Variants in CBY2 observed in about 807,000 individuals in gnomAD.
The protein encoded by CBY2 is protein chibby homolog 2.
A neutral mutation model predicts 25.3 loss-of-function variants in CBY2; 23 were observed. The observed-to-expected ratio is 0.91, with a 90% CI of 0.65 to 1.29. The LOEUF is 1.29. Ranked by LOEUF, CBY2 falls within the 50% of genes most tolerant of loss-of-function variation. The probability of loss-of-function intolerance (pLI) is 0.00; values close to 1 mark genes in which losing one functional copy is unlikely to be tolerated. For missense variants in CBY2, 642 were observed against 590.7 expected, an observed-to-expected ratio of 1.09 and a Z score of -0.90; for synonymous variants, 279 against 260.2, an observed-to-expected ratio of 1.07 and a Z score of -0.70.
At position 45,714,050 on chromosome 13, in the gene CBY2, A is replaced by C. The variant is rs763369290; in HGVS notation, c.1025A>C (p.Glu342Ala). Reference protein sequence around the residue: ...SNMSGPSGEEEAKVGPGLPDG... With the variant: ...SNMSGPSGEEAAKVGPGLPDG... ...ATGTCCGGGCCCTCCGGGGAGGAGG[A>C]GGCCAAGGTGGGCCCGGGCCTGCCC... Residue 342 changes from glutamate (E) to alanine (A), a missense_variant, in exon 3 of 3, where the codon GAG (glutamate) becomes GCG (alanine). Coordinates refer to ENST00000310521, the MANE Select transcript of CBY2 (RefSeq NM_152719.3). 1 of 1,501,120 alleles carries C rather than the reference A, an allele frequency of 6.7e-7. No individual in the cohort carries two copies. The highest frequency in any genetic ancestry group is 2.4e-5 in the East Asian group (1 of 41,608). The allele number at this position is 1,501,120 out of a possible 1,614,324, so 93.0% of individuals were successfully genotyped here.
At chr13:45,712,034 T>G (rs1041856196) in intron 2 of CBY2, among the ~76,000 whole-genome samples, 1 of 152,202 alleles carries the variant, frequency 6.6e-6, no homozygotes, top group Non-Finnish European at 1.5e-5. Flanking sequence ...TATGCCCAGA[T>G]GGGCAAGAGA....
At chr13:45,710,261 A>T (rs1273173903) in intron 2 of CBY2, among the ~76,000 whole-genome samples, 1 of 152,214 alleles carries the variant, frequency 6.6e-6, no homozygotes, top group Non-Finnish European at 1.5e-5. Context: ...ACGGTGGCTC[A>T]TGCCTATAAT....
chr13:45,703,646 T>G (rs1950224035), intron 2 of CBY2: 1 of 1,422,994 alleles, frequency 7.0e-7, no homozygotes, highest in Non-Finnish European at 9.7e-7. Flanking sequence ...TGACCACTGG[T>G]GGGCATTCCA....
intron 2 of CBY2, among the ~76,000 whole-genome samples, chr13:45,710,405 C>G (rs112714162): frequency 0.021 from 3,246 of 152,272 alleles, 72 homozygotes; most frequent in Middle Eastern, 0.078. Flanking sequence ...CGCCTGTAGT[C>G]CCAGCTACTC....
In CBY2 at chr13:45,702,381, T is replaced by G. The variant is rs1214751547; in HGVS notation, c.-10T>G. On this transcript the variant is annotated 5_prime_UTR_variant, in exon 1 of 3. Coordinates refer to ENST00000310521, the MANE Select transcript of CBY2 (RefSeq NM_152719.3). ...ACCATGAGCCCTGAAAAACACCATA[T>G]TGTTTTGTGATGTCACCTCTGGAAT... 2 of 1,613,038 alleles carry G rather than the reference T, an allele frequency of 1.2e-6. No homozygotes were observed. The highest frequency in any genetic ancestry group is 2.7e-5 in the African/African-American group (2 of 74,916).
rs1439457601 is a variant in CBY2, at chr13:45,702,484, G to A, written c.75+19G>A. On this transcript the variant is annotated intron_variant, in intron 1 of 2. Coordinates refer to ENST00000310521, the MANE Select transcript of CBY2 (RefSeq NM_152719.3). ...CACATTGGTATGGCTTTTTACTTGA[G>A]ATAGAAATAATCATCTTAGACAGGG... 1 of 1,605,124 alleles carries A rather than the reference G, an allele frequency of 6.2e-7. No individual in the cohort carries two copies. The highest frequency in any genetic ancestry group is 8.5e-7 in the Non-Finnish European group (1 of 1,171,746).
chr13:45,713,508 GC>G lies in CBY2; in HGVS notation c.484del (p.Leu162TrpfsTer68), dbSNP rs1199672379. 3.1e-6 allele frequency: 5 copies of G among 1,614,178 alleles called. No individual in the cohort carries two copies. In the South Asian group the frequency reaches 5.5e-5, roughly 18 times the overall value. On this transcript the variant is annotated frameshift_variant, in exon 3 of 3. Transcript: ENST00000310521. LOFTEE classifies it high-confidence loss of function. This position sits in a 1 kb window ranked among gnomAD's most constrained non-coding sequence, Gnocchi z 5.0. ...SFHHKLHHKR[L>X]AKECMLQEEN... is the part of the protein sequence containing the mutation. ...TCCACCACAAGCTGCACCACAAGAG[GC>G]TGGCCAAGGAGTGCATGCTGCAGGA...
At chr13:45,703,806 G>C (rs976261432) in intron 2 of CBY2, among the ~76,000 whole-genome samples, 1 of 152,130 alleles carries the variant, frequency 6.6e-6, no homozygotes, top group Admixed American at 6.5e-5. Flanking sequence ...ATGAATCTTA[G>C]CCAGAATATA....
Position 45,704,484 on chromosome 13 carries a change from G to T in CBY2, c.156+1629G>T, listed in dbSNP as rs1950229100. On this transcript the variant is annotated intron_variant, in intron 2 of 2. Coordinates refer to ENST00000310521, the MANE Select transcript of CBY2 (RefSeq NM_152719.3). This position sits in a 1 kb window ranked among gnomAD's most constrained non-coding sequence, Gnocchi z 4.1. Reference sequence around the variant, plus strand: ...TTTGGACACCTGTCAGGATGCTCAAGACTGGCACTCTGGGGGATGGGTGTG... The same window carrying T: ...TTTGGACACCTGTCAGGATGCTCAATACTGGCACTCTGGGGGATGGGTGTG... 6.6e-6 allele frequency among the ~76,000 whole-genome samples: 1 copy of T among 152,196 alleles called. No homozygotes were observed. Among genetic ancestry groups the T allele is most frequent in the Non-Finnish European group, 1.5e-5 (1 of 68,048 alleles).
intron 2 of CBY2, chr13:45,703,624 T>G: frequency 1.3e-6 from 2 of 1,532,032 alleles, no homozygotes; most frequent in Non-Finnish European, 1.8e-6. Flanking sequence ...CAGGGATGTG[T>G]AGGAGGAGGA....
rs763644918 is a variant in CBY2, at chr13:45,713,820, GGCCTACTGGGC to G, written c.798_808del (p.Tyr267GlyfsTer145). On this transcript the variant is annotated frameshift_variant, in exon 3 of 3. Transcript: ENST00000310521. LOFTEE classifies it high-confidence loss of function. The surrounding 1 kb of genome is among the most constrained non-coding windows in gnomAD (Gnocchi z 5.0). ...TGCAGCAGCTGCTGGAGCAGAAACA[GGCCTACTGGGC>G]GCAGGCAGAGGACACGGCCGCCCCT... is the stretch of plus-strand genomic sequence containing the variant. 36 of 1,544,136 alleles carry G rather than the reference GGCCTACTGGGC, an allele frequency of 2.3e-5. No homozygotes were observed. The highest frequency in any genetic ancestry group is 5.8e-5 in the Admixed American group (3 of 51,410).
At position 45,713,584 on chromosome 13, in the gene CBY2, C is replaced by G; in HGVS notation, c.559C>G (p.Arg187Gly). The part of the protein sequence containing the change: ...EENKALREEN[R>G]MLSKENKILQ... ...GAACAAGGCCCTGCGCGAGGAGAACCGGATGCTCAGCAAGGAGAACAAGAT... is the reference window on the plus strand; with the variant it reads ...GAACAAGGCCCTGCGCGAGGAGAACGGGATGCTCAGCAAGGAGAACAAGAT... The change falls in exon 3 of 3, where the codon CGG (arginine) becomes GGG (glycine). Residue 187 changes from arginine to glycine, a missense_variant. Physicochemically the swap from Arg to Gly is moderately radical, Grantham distance 125. Coordinates refer to ENST00000310521, the MANE Select transcript of CBY2 (RefSeq NM_152719.3). The surrounding 1 kb of genome is among the most constrained non-coding windows in gnomAD (Gnocchi z 5.0). 1.9e-6 allele frequency: 3 copies of G among 1,613,682 alleles called. No homozygotes were observed. The highest frequency in any genetic ancestry group is 2.5e-6 in the Non-Finnish European group (3 of 1,179,866).
rs1440036838 is a variant in CBY2, at chr13:45,714,150, C to T, written c.1125C>T (p.Leu375=). ...AGGCCCTGCTCAAGGAGAACCGGCT[C>T]CTGCAGGAGGAGAACAGGACCCTGC... ...ALQALLKENR[L]LQEENRTLQV... Residue 375 remains leucine, a synonymous_variant, in exon 3 of 3, where the codon CTC becomes CTT. Transcript: ENST00000310521. 1.3e-6 allele frequency: 2 copies of T among 1,597,104 alleles called. No homozygotes were observed. Among genetic ancestry groups the T allele is most frequent in the Non-Finnish European group, 1.7e-6 (2 of 1,171,762 alleles).
chr13:45,705,802 C>T (rs1454737031), intron 2 of CBY2, among the ~76,000 whole-genome samples: 1 of 152,202 alleles, frequency 6.6e-6, no homozygotes, highest in African/African-American at 2.4e-5. Flanking sequence ...CTCAACTTCA[C>T]ATGCTTTAAT....
intron 2 of CBY2, among the ~76,000 whole-genome samples, chr13:45,710,724 AC>A (rs1950265290): frequency 6.6e-6 from 1 of 152,204 alleles, no homozygotes; most frequent in Admixed American, 6.5e-5. Context: ...AAATGTGAAA[AC>A]CAGGGAGGCT....
At position 45,702,447 on chromosome 13, in the gene CBY2, T is replaced by C. The variant is rs1950215209; in HGVS notation, c.57T>C (p.Tyr19=). The change falls in exon 1 of 3, where the codon TAT becomes TAC. Residue 19 remains tyrosine, a synonymous_variant. Coordinates refer to ENST00000310521, the MANE Select transcript of CBY2 (RefSeq NM_152719.3). ...GTGACCAACTTCTGCATAGGACCTA[T>C]ACCTGGCAACTCACATTGGTATGGC... The part of the protein sequence containing the change: ...CFGDQLLHRT[Y]TWQLTLHSRP... The C allele has an allele frequency of 2.5e-6, 4 of 1,613,474 alleles. No homozygotes were observed. Among genetic ancestry groups the C allele is most frequent in the South Asian group, 1.1e-5 (1 of 91,078 alleles).
chr13:45,709,434 G>A (rs533245133), intron 2 of CBY2, among the ~76,000 whole-genome samples: 7 of 152,242 alleles, frequency 4.6e-5, no homozygotes, highest in Admixed American at 1.3e-4. Flanking sequence ...ACCCTTAGTT[G>A]GATCAAGAAG....
intron 2 of CBY2, among the ~76,000 whole-genome samples, chr13:45,712,064 G>A (rs575877088): frequency 1.2e-4 from 19 of 152,326 alleles, no homozygotes; most frequent in South Asian, 8.3e-4. Flanking sequence ...GCTGACCAAC[G>A]GCACCGCCAT....
chr13:45,708,318 C>T (rs1253829677), intron 2 of CBY2, among the ~76,000 whole-genome samples: 2 of 152,294 alleles, frequency 1.3e-5, no homozygotes, highest in African/African-American at 2.4e-5. Context: ...GTCCCCTATT[C>T]CCCACACCTT....
Sources: gnomAD v4.1 joint callset for allele counts (sites outside exome capture counted in the v4.1 genomes callset) on GRCh38, gnomAD v4.1.1 for gene constraint, Gnocchi (gnomAD v3.1) non-coding constraint, MANE v1.5 for transcripts, NCBI Gene and HGNC (gene_info 2026-07-23, HGNC 2026-07-21) for gene names.